The following GAB3 variants were observed in gnomAD, a reference collection of about 807,000 sequenced individuals.
GAB3 encodes the protein GRB2 associated binding protein 3.
In GAB3, 12 loss-of-function variants were observed where a neutral mutation model predicts 40.4. The ratio of observed to expected loss-of-function variants is 0.30; its 90% CI spans 0.19 to 0.48. The LOEUF is 0.48. GAB3 is among the 20% of genes least tolerant of loss of function. GAB3 has a pLI of 0.99. For missense variants in GAB3, 381 were observed against 461.9 expected, an observed-to-expected ratio of 0.82 and a Z score of 1.61; for synonymous variants, 154 against 176.7, an observed-to-expected ratio of 0.87 and a Z score of 1.02.
intron 4 of GAB3, among the ~76,000 whole-genome samples, chrX:154,705,598 T>C (rs782805857): frequency 6.3e-5 from 7 of 110,908 alleles, no homozygotes; most frequent in Non-Finnish European, 1.3e-4. Context: ...CTCAAAATAA[T>C]AAAGGCTATA....
intron 1 of GAB3, among the ~76,000 whole-genome samples, chrX:154,726,349 A>G (rs1315869591): frequency 8.9e-6 from 1 of 111,836 alleles, no homozygotes; most frequent in African/African-American, 3.3e-5. Flanking sequence ...TCAAACCTGA[A>G]GCACAGATAG....
At chrX:154,724,802 G>A (rs1192710868) in intron 1 of GAB3, among the ~76,000 whole-genome samples, 1 of 111,999 alleles carries the variant, frequency 8.9e-6, no homozygotes, top group Non-Finnish European at 1.9e-5. Context: ...TGATTACATA[G>A]TTAACAAACA....
chrX:154,728,208 C>T (rs1471254920), intron 1 of GAB3, among the ~76,000 whole-genome samples: 1 of 112,036 alleles, frequency 8.9e-6, no homozygotes, highest in Non-Finnish European at 1.9e-5. Context: ...GCCAGGCTTT[C>T]CAACTCAGGC....
chrX:154,714,543 C>T (rs2071015378), intron 2 of GAB3, among the ~76,000 whole-genome samples: 1 of 111,779 alleles, frequency 8.9e-6, no homozygotes, highest in Non-Finnish European at 1.9e-5. Flanking sequence ...GGACCCTGCT[C>T]TTATGTGGTT....
intron 1 of GAB3, among the ~76,000 whole-genome samples, chrX:154,725,126 C>G (rs1468074488): frequency 1.8e-5 from 2 of 111,466 alleles, no homozygotes; most frequent in South Asian, 7.6e-4. Flanking sequence ...TGGAACACAT[C>G]CTTCCCTCAC....
chrX:154,712,727 G>A, intron 3 of GAB3, 26 bp from the exon 4 acceptor site: 1 of 992,239 alleles, frequency 1.0e-6, no homozygotes, highest in Non-Finnish European at 1.4e-6. Context: ...ATGTAAGTTG[G>A]ACTAAAATGC....
At chrX:154,740,609 C>T (rs1275901416) in intron 1 of GAB3, among the ~76,000 whole-genome samples, 5 of 111,137 alleles carry the variant, frequency 4.5e-5, no homozygotes, top group African/African-American at 6.6e-5. Context: ...TCCCTTCCCA[C>T]GGTATATAGG....
chrX:154,687,213 CA>C (rs1354320326), intron 8 of GAB3, among the ~76,000 whole-genome samples: 1 of 104,956 alleles, frequency 9.5e-6, no homozygotes, highest in Non-Finnish European at 2.0e-5. Flanking sequence ...AAAAACAAAA[CA>C]AAAAAAACAA....
At chrX:154,719,844 A>G (rs1020425334) in intron 1 of GAB3, among the ~76,000 whole-genome samples, 8 of 111,710 alleles carry the variant, frequency 7.2e-5, no homozygotes, top group Non-Finnish European at 1.5e-4. Context: ...GCCAGCACTA[A>G]AGTGAAGCTT....
At chrX:154,731,282 A>G (rs2071286741) in intron 1 of GAB3, among the ~76,000 whole-genome samples, 1 of 111,912 alleles carries the variant, frequency 8.9e-6, no homozygotes, top group Admixed American at 9.5e-5. Flanking sequence ...AGTTATTTTA[A>G]ACTCTGGTAA....
At chrX:154,680,939 C>G (rs1476682043) in intron 8 of GAB3, among the ~76,000 whole-genome samples, 1 of 112,220 alleles carries the variant, frequency 8.9e-6, no homozygotes. Flanking sequence ...TCACTTGTGT[C>G]GAAGCATTAG....
intron 1 of GAB3, among the ~76,000 whole-genome samples, chrX:154,717,267 CTT>C (rs1340777840): frequency 9.0e-6 from 1 of 111,012 alleles, no homozygotes; most frequent in Non-Finnish European, 1.9e-5. Context: ...ATGGGAGACT[CTT>C]AAGCATTCAC....
At chrX:154,689,394 T>C (rs1344647127) in intron 8 of GAB3, among the ~76,000 whole-genome samples, 1 of 111,729 alleles carries the variant, frequency 9.0e-6, no homozygotes, top group East Asian at 2.8e-4. Context: ...CTATTCAACA[T>C]AGTGTTGGAA....
chrX:154,684,435 A>T (rs782717638), intron 8 of GAB3, among the ~76,000 whole-genome samples: 31 of 111,127 alleles, frequency 2.8e-4, no homozygotes, highest in African/African-American at 1.0e-3. Flanking sequence ...AATCCAGAGA[A>T]TTTGCCTATC....
intron 4 of GAB3, among the ~76,000 whole-genome samples, chrX:154,709,199 T>C (rs1440502735): frequency 4.5e-5 from 5 of 111,529 alleles, no homozygotes; most frequent in Non-Finnish European, 9.4e-5. Context: ...CTTTGTCTTC[T>C]TCCATGATTG....
At chrX:154,685,055 G>C (rs2070428186) in intron 8 of GAB3, among the ~76,000 whole-genome samples, 2 of 111,412 alleles carry the variant, frequency 1.8e-5, no homozygotes, top group African/African-American at 6.5e-5. Context: ...CACTCTTTGT[G>C]CTTAGTCTGT....
Position 154,712,388 on chromosome X carries a change from T to C in GAB3, c.910A>G (p.Met304Val). 1 of 1,211,516 alleles carries C rather than the reference T, an allele frequency of 8.3e-7. No homozygotes were observed. The highest frequency in any genetic ancestry group is 1.1e-6 in the Non-Finnish European group (1 of 895,345). Residue 304 changes from methionine to valine, a missense_variant, in exon 4 of 10, where the codon ATG becomes GTG. Around this residue, in one of 2 missense-constraint regions of GAB3, gnomAD observed 364 missense variants for 421.0 expected, o/e 0.86. Coordinates refer to ENST00000424127, the MANE Select transcript of GAB3 (RefSeq NM_001081573.3). The stretch of plus-strand genomic sequence containing the variant: ...GGGCGGGGAGGTGGAGTGTTGGACA[T>C]AATGTCTAGTTCTTTTGCTCCACAG... ...LPCGAKELDI[M>V]SNTPPPRPPK...
chrX:154,685,796 A>G (rs2070440486), intron 8 of GAB3, among the ~76,000 whole-genome samples: 1 of 112,063 alleles, frequency 8.9e-6, no homozygotes, highest in Non-Finnish European at 1.9e-5. Context: ...CAAAGATGGC[A>G]CTGCCGAATT....
At position 154,724,550 on chromosome X, in the gene GAB3, T is replaced by C. The variant is rs781976949; in HGVS notation, c.73-8221A>G. On this transcript the variant is annotated intron_variant, in intron 1 of 9. Coordinates refer to ENST00000424127, the MANE Select transcript of GAB3 (RefSeq NM_001081573.3). ...CGAAAGATCCACTTCCCATCAGCCT[T>C]TCCTGCCACAGCAACCAAGCTGACT... 9.1e-5 allele frequency among the ~76,000 whole-genome samples: 10 copies of C among 110,412 alleles called. No homozygotes were observed. In the South Asian group the frequency reaches 3.4e-3, roughly 38 times the overall value.
Sources: gnomAD v4.1 joint callset for allele counts (sites outside exome capture counted in the v4.1 genomes callset) on GRCh38, gnomAD v4.1.1 for gene constraint, gnomAD v4.1.1 regional missense constraint, MANE v1.5 for transcripts, NCBI Gene and HGNC (gene_info 2026-07-23, HGNC 2026-07-21) for gene names.